RAI14: variants seen among roughly 807,000 people sequenced by gnomAD.
RAI14 encodes the protein retinoic acid induced 14.
A neutral mutation model predicts 115.4 loss-of-function variants in RAI14; 45 were observed. That is an observed-to-expected ratio of 0.39 (90% confidence interval 0.31 to 0.50). RAI14 has a LOEUF of 0.50. Ranked by LOEUF, RAI14 falls within the 20% of genes least tolerant of loss-of-function variation. The pLI is 0.85. For missense variants in RAI14, 939 were observed against 1,131.2 expected (o/e 0.83, Z 2.44); for synonymous variants, 371 against 415.4 (o/e 0.89, Z 1.30).
At chr5:34,797,470 T>TA (rs1016501699) in intron 4 of RAI14, among the ~76,000 whole-genome samples, 3 of 151,904 alleles carry the variant, frequency 2.0e-5, no homozygotes, top group Non-Finnish European at 2.9e-5. Flanking sequence ...CTAAGAGCCC[T>TA]AAAAAAATTT....
At chr5:34,669,597 G>A (rs576799118) in intron 1 of RAI14, among the ~76,000 whole-genome samples, 23 of 152,284 alleles carry the variant, frequency 1.5e-4, no homozygotes, top group African/African-American at 3.9e-4. Context: ...GTGGCTTCCC[G>A]AACAGTAGCA....
chr5:34,761,615 T>C (rs922106284), intron 3 of RAI14, among the ~76,000 whole-genome samples: 5 of 152,172 alleles, frequency 3.3e-5, no homozygotes, highest in Non-Finnish European at 5.9e-5. Context: ...CTCCCCGCTG[T>C]TTCTTCTGGA....
At chr5:34,825,506 T>C (rs138158970) in intron 15 of RAI14, among the ~76,000 whole-genome samples, 60 of 152,242 alleles carry the variant, frequency 3.9e-4, no homozygotes, top group African/African-American at 1.3e-3. Context: ...CTAGACTTAA[T>C]CCTGTTTCCC....
chr5:34,682,948 T>C (rs1744494307), intron 1 of RAI14, among the ~76,000 whole-genome samples: 1 of 152,196 alleles, frequency 6.6e-6, no homozygotes, highest in African/African-American at 2.4e-5. Context: ...TCAACATAGG[T>C]TGTAGCTCAG....
chr5:34,818,235 A>C (rs1462950572), intron 12 of RAI14, among the ~76,000 whole-genome samples: 2 of 152,198 alleles, frequency 1.3e-5, no homozygotes, highest in African/African-American at 4.8e-5. Flanking sequence ...ACAGATATTC[A>C]GGGACAAAGC....
At chr5:34,706,162 A>G (rs923420358) in intron 2 of RAI14, among the ~76,000 whole-genome samples, 9 of 152,260 alleles carry the variant, frequency 5.9e-5, no homozygotes, top group Non-Finnish European at 7.4e-5. Context: ...TTCTCTGTCC[A>G]TAGAAGGGAG....
Position 34,795,832 on chromosome 5 carries a change from G to A in RAI14, c.168-107G>A, listed in dbSNP as rs1051992651. On this transcript the variant is annotated intron_variant, in intron 3 of 17. Transcript: ENST00000265109. The stretch of plus-strand genomic sequence containing the variant: ...TCAGTGGGTGCTTGTAGAGCTCAAG[G>A]AAGAGAAAGTGTACATGAAATGGCG... 5 of 783,712 alleles carry A rather than the reference G, an allele frequency of 6.4e-6. No homozygotes were observed. The Admixed American group carries it at 8.9e-5, about 14-fold the overall frequency. The allele number at this position is 783,712 out of a possible 1,614,324, so 48.5% of individuals were successfully genotyped here. A position where few individuals can be genotyped will look rare whatever the true frequency, so the allele number is the denominator to read the frequency against.
intron 2 of RAI14, among the ~76,000 whole-genome samples, chr5:34,756,078 C>T (rs973003402): frequency 6.6e-6 from 1 of 152,146 alleles, no homozygotes; most frequent in African/African-American, 2.4e-5. Flanking sequence ...TGGTTCAGTC[C>T]TGAGACGTTC....
At chr5:34,770,467 A>G (rs1032058172) in intron 3 of RAI14, among the ~76,000 whole-genome samples, 1 of 152,252 alleles carries the variant, frequency 6.6e-6, no homozygotes, top group Non-Finnish European at 1.5e-5. Context: ...ACACAGTCTA[A>G]TAGGGCAGAC....
intron 3 of RAI14, among the ~76,000 whole-genome samples, chr5:34,770,112 A>G (rs1749958791): frequency 6.6e-6 from 1 of 152,140 alleles, no homozygotes; most frequent in Non-Finnish European, 1.5e-5. Flanking sequence ...GGGAGCTTGC[A>G]GGGCTTCTCC....
intron 2 of RAI14, among the ~76,000 whole-genome samples, chr5:34,687,346 T>A (rs7701408): frequency 0.45 from 68,699 of 151,828 alleles, 17,646 homozygotes; most frequent in South Asian, 0.64. Flanking sequence ...AATGACATAT[T>A]AGCATGGTTC....
intron 2 of RAI14, among the ~76,000 whole-genome samples, chr5:34,730,717 C>T (rs1303162529): frequency 6.6e-6 from 1 of 152,040 alleles, no homozygotes; most frequent in Non-Finnish European, 1.5e-5. Context: ...GCATGGTGGC[C>T]CACGCCTGTT....
At chr5:34,662,775 C>T (rs1011639719) in intron 1 of RAI14, among the ~76,000 whole-genome samples, 12 of 138,122 alleles carry the variant, frequency 8.7e-5, no homozygotes, top group Admixed American at 3.1e-4. Context: ...GTTGCCCACG[C>T]GGGAGTGCAA....
At chr5:34,745,996 A>G (rs985165469) in intron 2 of RAI14, among the ~76,000 whole-genome samples, 10 of 151,380 alleles carry the variant, frequency 6.6e-5, no homozygotes, top group Admixed American at 2.0e-4. Context: ...CACGACCCCA[A>G]TTCACAAAGA....
intron 1 of RAI14, among the ~76,000 whole-genome samples, chr5:34,678,697 C>T (rs1299186819): frequency 6.6e-6 from 1 of 152,206 alleles, no homozygotes; most frequent in African/African-American, 2.4e-5. Flanking sequence ...TTTGCTGTGG[C>T]AGCCCTGGCA....
intron 1 of RAI14, among the ~76,000 whole-genome samples, chr5:34,665,814 C>T (rs897684205): frequency 2.0e-5 from 3 of 152,080 alleles, no homozygotes; most frequent in African/African-American, 7.2e-5. Context: ...TATCATGTGC[C>T]GCTATTCCCC....
At chr5:34,704,926 A>G (rs892202744) in intron 2 of RAI14, among the ~76,000 whole-genome samples, 2 of 152,162 alleles carry the variant, frequency 1.3e-5, no homozygotes, top group African/African-American at 4.8e-5. Context: ...TAGCATGTAA[A>G]ATATGGCTAG....
At chr5:34,790,743 T>C (rs1224601790) in intron 3 of RAI14, among the ~76,000 whole-genome samples, 2 of 145,782 alleles carry the variant, frequency 1.4e-5, no homozygotes, top group Non-Finnish European at 3.0e-5. Context: ...AGTGTGTATA[T>C]GGGTGTGTGT....
chr5:34,691,105 C>T (rs1738535555), intron 2 of RAI14, among the ~76,000 whole-genome samples: 1 of 151,986 alleles, frequency 6.6e-6, no homozygotes, highest in Non-Finnish European at 1.5e-5. Context: ...GGTGGAGCTT[C>T]ATGCAGGCCT....
Sources: gnomAD v4.1 joint callset for allele counts (sites outside exome capture counted in the v4.1 genomes callset) on GRCh38, gnomAD v4.1.1 for gene constraint, MANE v1.5 for transcripts, NCBI Gene and HGNC (gene_info 2026-07-23, HGNC 2026-07-21) for gene names.